Variants in COL4A1 observed in about 807,000 individuals in gnomAD.
COL4A1 encodes the protein collagen type IV alpha 1 chain, also known as collagen alpha-1(IV) chain.
Under a neutral mutation model 216.6 loss-of-function variants are expected in COL4A1, and 40 were observed. The observed-to-expected ratio is 0.18, with a 90% CI of 0.14 to 0.24. COL4A1 has a LOEUF of 0.24. Among genes scored for constraint, COL4A1 ranks in the 10% least tolerant of loss-of-function variants. The pLI, the probability that COL4A1 is intolerant of heterozygous loss-of-function variation, is 1.00. For missense variants in COL4A1, 1,628 were observed against 2,196.8 expected, an observed-to-expected ratio of 0.74 and a Z score of 5.18; for synonymous variants, 839 against 810.7, an observed-to-expected ratio of 1.03 and a Z score of -0.59.
chr13:110,188,299 T>C lies in COL4A1; in HGVS notation c.1537-970A>G, dbSNP rs934027574. 3.3e-5 allele frequency among the ~76,000 whole-genome samples: 5 copies of C among 152,254 alleles called. No homozygotes were observed. The East Asian group carries it at 9.6e-4, about 29-fold the overall frequency. On this transcript the variant is annotated intron_variant, in intron 24 of 51. Coordinates refer to ENST00000375820, the MANE Select transcript of COL4A1 (RefSeq NM_001845.6). ...CTTGCAGAAGGTTCTTAGATATGTATGAATCCCTCACATGCACACGCTTCT... is the reference window on the plus strand; with the variant it reads ...CTTGCAGAAGGTTCTTAGATATGTACGAATCCCTCACATGCACACGCTTCT...
At chr13:110,296,457 C>A (rs781014406) in intron 1 of COL4A1, among the ~76,000 whole-genome samples, 2 of 152,182 alleles carry the variant, frequency 1.3e-5, no homozygotes, top group Non-Finnish European at 2.9e-5. Context: ...ATACGAATAT[C>A]GATAGTATAA....
At chr13:110,163,353 G>A in intron 47 of COL4A1, 110 bp downstream of exon 47, 2 of 880,474 alleles carry the variant, frequency 2.3e-6, no homozygotes, top group Non-Finnish European at 3.8e-6. Flanking sequence ...TCGGAAATCT[G>A]TCAAGTGATA....
At chr13:110,263,906 T>G (rs551794494) in intron 1 of COL4A1, among the ~76,000 whole-genome samples, 96 of 152,326 alleles carry the variant, frequency 6.3e-4, no homozygotes, top group African/African-American at 2.3e-3. Flanking sequence ...ATTAAACAGC[T>G]GAATGTTTAC....
chr13:110,212,662 G>A (rs1879870875), intron 4 of COL4A1, 44 bp from the exon 5 acceptor site: 1 of 1,609,150 alleles, frequency 6.2e-7, no homozygotes, highest in South Asian at 1.1e-5. Context: ...GAGCCGGGAA[G>A]CCTCACTTCC....
intron 1 of COL4A1, among the ~76,000 whole-genome samples, chr13:110,265,080 G>A (rs1190564213): frequency 6.6e-6 from 1 of 152,228 alleles, no homozygotes; most frequent in African/African-American, 2.4e-5. Flanking sequence ...GGCCTTGACT[G>A]CTAGAGACCT....
chr13:110,218,108 T>C (rs1221909393), intron 2 of COL4A1, among the ~76,000 whole-genome samples: 1 of 152,160 alleles, frequency 6.6e-6, no homozygotes, highest in African/African-American at 2.4e-5. Context: ...TAAAATAGCA[T>C]GAAGCTTCTA....
chr13:110,161,131 G>T, intron 49 of COL4A1, 61 bp downstream of exon 49: 1 of 1,535,858 alleles, frequency 6.5e-7, no homozygotes, highest in Non-Finnish European at 9.0e-7. Context: ...ACATATGCTT[G>T]TCCAGACTAG....
intron 2 of COL4A1, among the ~76,000 whole-genome samples, chr13:110,234,112 T>C (rs1470925395): frequency 2.6e-5 from 4 of 152,236 alleles, no homozygotes; most frequent in East Asian, 1.9e-4. Flanking sequence ...AGTGCTCTTA[T>C]GTACAGTATC....
chr13:110,203,418 T>C, intron 18 of COL4A1, 148 bp downstream of exon 18: 2 of 799,728 alleles, frequency 2.5e-6, no homozygotes, highest in Non-Finnish European at 4.3e-6. Context: ...GCTGTGGGTG[T>C]GTGCCCTGCA....
At chr13:110,167,568 C>A (rs1394310225) in intron 43 of COL4A1, among the ~76,000 whole-genome samples, 4 of 152,342 alleles carry the variant, frequency 2.6e-5, no homozygotes, top group African/African-American at 7.2e-5. Context: ...CCCCTCAACA[C>A]CTGTGACGGC....
intron 1 of COL4A1, among the ~76,000 whole-genome samples, chr13:110,284,331 G>C (rs1199541294): frequency 6.6e-6 from 1 of 152,156 alleles, no homozygotes; most frequent in Non-Finnish European, 1.5e-5. Context: ...TCTAACATCT[G>C]ACTAATGTGA....
intron 26 of COL4A1, 39 bp downstream of exon 26, chr13:110,186,346 T>C: frequency 6.2e-7 from 1 of 1,611,234 alleles, no homozygotes; most frequent in Non-Finnish European, 8.5e-7. Flanking sequence ...AACCTCCGTT[T>C]ACAACTTCAT....
chr13:110,219,827 T>TGC (rs1880340880), intron 2 of COL4A1, among the ~76,000 whole-genome samples: 1 of 108,914 alleles, frequency 9.2e-6, no homozygotes, highest in African/African-American at 3.7e-5. Context: ...TGTATATATA[T>TGC]GTATGTATGT....
chr13:110,256,195 T>C (rs907353413), intron 1 of COL4A1, among the ~76,000 whole-genome samples: 2 of 152,108 alleles, frequency 1.3e-5, no homozygotes, highest in Non-Finnish European at 2.9e-5. Flanking sequence ...TTTAAGATGT[T>C]CAAGAGTTGT....
At position 110,187,077 on chromosome 13, in the gene COL4A1, T is replaced by G. The variant is rs1273830312; in HGVS notation, c.1728+61A>C. The stretch of plus-strand genomic sequence containing the variant: ...ATCAATATGATTCAAATTACTCATT[T>G]CTCAATGCTTTGCAGATCCACACTG... On this transcript the variant is annotated intron_variant, in intron 25 of 51. Coordinates refer to ENST00000375820, the MANE Select transcript of COL4A1 (RefSeq NM_001845.6). The G allele has an allele frequency of 4.4e-6, 7 of 1,585,276 alleles. No individual in the cohort carries two copies. The African/African-American group carries it at 6.7e-5, about 15-fold the overall frequency.
intron 2 of COL4A1, among the ~76,000 whole-genome samples, chr13:110,240,438 C>A (rs117956337): frequency 6.6e-6 from 1 of 152,220 alleles, no homozygotes; most frequent in Admixed American, 6.5e-5. Flanking sequence ...CTAAAGCTGG[C>A]CCCTGTAGGA....
At chr13:110,251,735 A>C (rs1246820425) in intron 1 of COL4A1, among the ~76,000 whole-genome samples, 4 of 152,222 alleles carry the variant, frequency 2.6e-5, no homozygotes, top group Non-Finnish European at 5.9e-5. Context: ...CCAGACAGGC[A>C]CAGGTGCAAG....
Position 110,192,102 on chromosome 13 carries a change from C to T in COL4A1, c.1536+112G>A, listed in dbSNP as rs1878654887. 4.5e-6 allele frequency: 5 copies of T among 1,100,950 alleles called. 1 individual carries two copies. In the East Asian group the frequency reaches 1.2e-4, roughly 26 times the overall value. 68.2% of individuals were successfully genotyped at this position (1,100,950 alleles called of 1,614,324 possible). A position where few individuals can be genotyped will look rare whatever the true frequency, so the allele number is the denominator to read the frequency against. ...GAGGGCTCGACACAGCAACACTTAC[C>T]AGCTCCCACACAAGGCAGAAGCCAT... On this transcript the variant is annotated intron_variant, in intron 24 of 51. Transcript: ENST00000375820.
At chr13:110,194,996 C>A in intron 22 of COL4A1, 27 bp downstream of exon 22, 1 of 1,595,748 alleles carries the variant, frequency 6.3e-7, no homozygotes, top group Non-Finnish European at 8.6e-7. Flanking sequence ...ACACAACCAC[C>A]ATTTTAAAAA....
Sources: allele counts gnomAD v4.1 joint callset (sites outside exome capture counted in the v4.1 genomes callset), GRCh38; gene constraint gnomAD v4.1.1; transcripts MANE v1.5; gene names NCBI Gene and HGNC (gene_info 2026-07-23, HGNC 2026-07-21).